IFNA10: variants seen among roughly 807,000 people sequenced by gnomAD.
IFNA10 encodes the protein interferon alpha-10.
For missense variants in IFNA10, 246 were observed against 213.0 expected (o/e 1.15, Z -0.96); for synonymous variants, 96 against 83.7 (o/e 1.15, Z -0.80).
chr9:21,206,769 G>A lies in IFNA10; in HGVS notation c.329C>T (p.Thr110Ile), dbSNP rs1437628897. The A allele has an allele frequency of 1.2e-6, 2 of 1,612,872 alleles. No homozygotes were observed. Among genetic ancestry groups the A allele is most frequent in the East Asian group, 2.2e-5 (1 of 44,838 alleles). ...WEQSLLEKFS[T>I]ELYQQLNDLE... is the part of the protein sequence containing the mutation. The stretch of plus-strand genomic sequence containing the variant: ...GTCATTCAGTTGCTGGTAAAGTTCA[G>A]TGGAAAATTTTTCTAGGAGGCTCTG... The change falls in exon 1 of 1, where the codon ACT becomes ATT. Residue 110 changes from threonine (T) to isoleucine (I), a missense_variant. Thr to Ile is a moderately conservative substitution (Grantham distance 89). Coordinates refer to ENST00000357374, the MANE Select transcript of IFNA10 (RefSeq NM_002171.2).
In IFNA10 at chr9:21,206,754, T is replaced by G; in HGVS notation, c.344A>C (p.Gln115Pro). ...CACACATGCTTCCAGGTCATTCAGT[T>G]GCTGGTAAAGTTCAGTGGAAAATTT... ...LEKFSTELYQ[Q>P]LNDLEACVIQ... The change falls in exon 1 of 1, where the codon CAA becomes CCA. Residue 115 changes from glutamine (Q) to proline (P), a missense_variant. Coordinates refer to ENST00000357374, the MANE Select transcript of IFNA10 (RefSeq NM_002171.2). 1 of 1,613,054 alleles carries G rather than the reference T, an allele frequency of 6.2e-7. No homozygotes were observed.
rs1818267863 is a variant in IFNA10, at chr9:21,206,313, TAAA to T, written c.*212_*214del. The stretch of plus-strand genomic sequence containing the variant: ...TTTTAAAAATAATTAAATAAATATT[TAAA>T]CAAAAGATGAACAGAGACATCAGAA... On this transcript the variant is annotated 3_prime_UTR_variant, in exon 1 of 1. Coordinates refer to ENST00000357374, the MANE Select transcript of IFNA10 (RefSeq NM_002171.2). 2.0e-6 allele frequency: 1 copy of T among 503,416 alleles called. No homozygotes were observed. The highest frequency in any genetic ancestry group is 3.7e-5 in the East Asian group (1 of 26,698). The allele number at this position is 503,416 out of a possible 1,614,324, so 31.2% of individuals were successfully genotyped here. A position where few individuals can be genotyped will look rare whatever the true frequency, so the allele number is the denominator to read the frequency against.
Position 21,206,929 on chromosome 9 carries a change from G to A in IFNA10, c.169C>T (p.His57Tyr), listed in dbSNP as rs184767050. ...ISPFSCLKDR[H>Y]DFRIPQEEFD... The stretch of plus-strand genomic sequence containing the variant: ...TCCTCCTGGGGGATTCGGAAATCAT[G>A]TCTGTCCTTCAGGCAGGAGAAAGGA... The change falls in exon 1 of 1, where the codon CAT (histidine) becomes TAT (tyrosine). Residue 57 changes from histidine to tyrosine, a missense_variant. Physicochemically the swap from His to Tyr is moderately conservative, Grantham distance 83 (BLOSUM62 2). Coordinates refer to ENST00000357374, the MANE Select transcript of IFNA10 (RefSeq NM_002171.2). The A allele has an allele frequency of 1.9e-6, 3 of 1,613,888 alleles. No homozygotes were observed. Among genetic ancestry groups the A allele is most frequent in the African/African-American group, 2.7e-5 (2 of 74,848 alleles).
chr9:21,206,581 T>A, the IFNA10 span: 1 of 1,613,784 alleles, frequency 6.2e-7, no homozygotes, highest in African/African-American at 1.3e-5. Flanking sequence ...GAGAGGGATC[T>A]CATGATTTCT....
chr9:21,206,454 T>C lies in IFNA10; in HGVS notation c.*74A>G. 7 of 1,583,644 alleles carry C rather than the reference T, an allele frequency of 4.4e-6. No homozygotes were observed. The highest frequency in any genetic ancestry group is 5.1e-6 in the Non-Finnish European group (6 of 1,171,102). The stretch of plus-strand genomic sequence containing the variant: ...CGTCGTGGTTATAGAAGTGAGTCTT[T>C]GAAATGGAAGAACTCATGAAAGTGT... On this transcript the variant is annotated 3_prime_UTR_variant, in exon 1 of 1. Coordinates refer to ENST00000357374, the MANE Select transcript of IFNA10 (RefSeq NM_002171.2).
Position 21,206,495 on chromosome 9 carries a change from T to C in IFNA10, c.*33A>G. Reference sequence around the variant, plus strand: ...ATGAAAGTGTGAGATAATGTATTAGTCAATCAGGATCATTGCCATGTTGAA... The same window carrying C: ...ATGAAAGTGTGAGATAATGTATTAGCCAATCAGGATCATTGCCATGTTGAA... On this transcript the variant is annotated 3_prime_UTR_variant, in exon 1 of 1. Coordinates refer to ENST00000357374, the MANE Select transcript of IFNA10 (RefSeq NM_002171.2). The C allele has an allele frequency of 1.2e-6, 2 of 1,610,614 alleles. No homozygotes were observed. Among genetic ancestry groups the C allele is most frequent in the Non-Finnish European group, 1.7e-6 (2 of 1,179,296 alleles).
Sources: gnomAD v4.1 joint callset for allele counts on GRCh38, gnomAD v4.1.1 for gene constraint, MANE v1.5 for transcripts, NCBI Gene and HGNC (gene_info 2026-07-23, HGNC 2026-07-21) for gene names.